The following MAGI3 variants were observed in gnomAD, a reference collection of about 807,000 sequenced individuals.
MAGI3 encodes the protein membrane associated guanylate kinase, WW and PDZ domain containing 3, also known as membrane-associated guanylate kinase, WW and PDZ domain-containing protein 3.
MAGI3 carries 43 observed loss-of-function variants against 121.8 expected under a neutral mutation model. The observed-to-expected ratio is 0.35, with a 90% confidence interval of 0.28 to 0.46. MAGI3 has a LOEUF of 0.46. MAGI3 is among the 20% of genes least tolerant of loss of function. The pLI is 1.00. For missense variants in MAGI3, 1,547 were observed against 1,797.3 expected (o/e 0.86, Z 2.52); for synonymous variants, 553 against 639.3 (o/e 0.86, Z 2.04).
Position 113,642,135 on chromosome 1 carries a change from C to T in MAGI3, c.1585C>T (p.Gln529Ter), listed in dbSNP as rs1369188913. Reference protein sequence around the residue: ...LTKGETCMNPQDFKPGAMVLE... With the variant: ...LTKGETCMNP Reference sequence around the variant, plus strand: ...CAAGGGAGAGACTTGCATGAATCCTCAGGATTTTAAGCCAGGAGCAATGGT... The same window carrying T: ...CAAGGGAGAGACTTGCATGAATCCTTAGGATTTTAAGCCAGGAGCAATGGT... Residue 529 changes from glutamine (Q) to a stop codon, truncating the protein, a stop_gained, in exon 10 of 21, where the codon CAG becomes TAG. Coordinates refer to ENST00000307546, the MANE Select transcript of MAGI3 (RefSeq NM_001142782.2). LOFTEE classifies it high-confidence loss of function. 1 of 1,614,048 alleles carries T rather than the reference C, an allele frequency of 6.2e-7. No homozygotes were observed. The highest frequency in any genetic ancestry group is 8.5e-7 in the Non-Finnish European group (1 of 1,180,052).
chr1:113,676,437 A>C (rs930867826), intron 19 of MAGI3, among the ~76,000 whole-genome samples: 1 of 152,230 alleles, frequency 6.6e-6, no homozygotes, highest in African/African-American at 2.4e-5. Flanking sequence ...ATGAATGAGC[A>C]GAAACTTTAG....
intron 14 of MAGI3, among the ~76,000 whole-genome samples, chr1:113,651,555 T>G (rs1653169276): frequency 6.6e-6 from 1 of 152,182 alleles, no homozygotes; most frequent in Non-Finnish European, 1.5e-5. Context: ...TGCAGTGGTA[T>G]GAGCTCAGCT....
intron 19 of MAGI3, among the ~76,000 whole-genome samples, chr1:113,677,961 T>C (rs1647979737): frequency 2.0e-5 from 3 of 152,216 alleles, no homozygotes; most frequent in African/African-American, 7.2e-5. Context: ...TGTAGTTTTG[T>C]GTATGTAGGT....
chr1:113,445,676 A>G (rs1014681961), intron 1 of MAGI3, among the ~76,000 whole-genome samples: 3 of 152,200 alleles, frequency 2.0e-5, no homozygotes, highest in African/African-American at 7.2e-5. Context: ...CATACCAGGG[A>G]TCCTTAATAT....
intron 19 of MAGI3, among the ~76,000 whole-genome samples, chr1:113,673,899 G>A (rs1366938214): frequency 6.6e-6 from 1 of 152,170 alleles, no homozygotes; most frequent in East Asian, 1.9e-4. Context: ...GAGGTAACTA[G>A]AGGCTGAAAA....
chr1:113,509,895 T>C (rs1394165677), intron 1 of MAGI3, among the ~76,000 whole-genome samples: 1 of 150,162 alleles, frequency 6.7e-6, no homozygotes, highest in African/African-American at 2.5e-5. Flanking sequence ...CTCGCGGTGC[T>C]GTTCACTCTG....
In MAGI3 at chr1:113,665,040, TTTTA is replaced by T. The variant is rs571757288; in HGVS notation, c.2815+5780_2815+5783del. Among the ~76,000 whole-genome samples the T allele has an allele frequency of 1.7e-3, 262 of 152,216 alleles. 1 individual carries two copies. Among genetic ancestry groups the T allele is most frequent in the African/African-American group, 5.2e-3 (217 of 41,502 alleles). The stretch of plus-strand genomic sequence containing the variant: ...TTACCTACAGCTTAAACTCTTGAGG[TTTTA>T]TTTAAGATAAGTCATTTTTTCCCCA... On this transcript the variant is annotated intron_variant, in intron 16 of 20. Coordinates refer to ENST00000307546, the MANE Select transcript of MAGI3 (RefSeq NM_001142782.2).
chr1:113,614,492 C>T (rs1650339385), intron 6 of MAGI3, 109 bp from the exon 7 acceptor site: 1 of 847,884 alleles, frequency 1.2e-6, no homozygotes, highest in Admixed American at 2.1e-5. Flanking sequence ...GAGCCCTCAG[C>T]TTTCTGACAC....
Position 113,658,723 on chromosome 1 carries a change from CA to C in MAGI3, c.2630-355del. Among the ~76,000 whole-genome samples the C allele has an allele frequency of 6.6e-6, 1 of 152,036 alleles. No individual in the cohort carries two copies. Among genetic ancestry groups the C allele is most frequent in the African/African-American group, 2.4e-5 (1 of 41,372 alleles). ...AACTTGTTGCAGCTTAAATGGCCAA[CA>C]ATAAACAATGAGACATCTGATCAGT... On this transcript the variant is annotated intron_variant, in intron 15 of 20. Coordinates refer to ENST00000307546, the MANE Select transcript of MAGI3 (RefSeq NM_001142782.2). This position sits in a 1 kb window ranked among gnomAD's most constrained non-coding sequence, Gnocchi z 4.0.
At chr1:113,615,223 T>C (rs1329251212) in intron 7 of MAGI3, among the ~76,000 whole-genome samples, 1 of 152,180 alleles carries the variant, frequency 6.6e-6, no homozygotes, top group East Asian at 1.9e-4. Context: ...CACCTGCCTA[T>C]GTTAGCCAGA....
rs549709038 is a variant in MAGI3, at chr1:113,392,250, T to C, written c.316+901T>C. On this transcript the variant is annotated intron_variant, in intron 1 of 20. Transcript: ENST00000307546. ...TGGTTTTGTTTCAGCATAGATAGAA[T>C]GTGGTTCTGTCGTCTTAGATGTTTG... Among the ~76,000 whole-genome samples, 9 of 152,352 alleles carry C rather than the reference T, an allele frequency of 5.9e-5. No individual in the cohort carries two copies. In the South Asian group the frequency reaches 1.0e-3, roughly 18 times the overall value.
chr1:113,579,434 G>A (rs546831350), intron 2 of MAGI3, among the ~76,000 whole-genome samples: 2 of 152,148 alleles, frequency 1.3e-5, no homozygotes, highest in East Asian at 1.9e-4. Context: ...AAGGAATGAG[G>A]CAAGAAAGAA....
At chr1:113,487,506 G>A (rs1266398619) in intron 1 of MAGI3, among the ~76,000 whole-genome samples, 1 of 151,996 alleles carries the variant, frequency 6.6e-6, no homozygotes, top group East Asian at 1.9e-4. Flanking sequence ...ACTCCCACAA[G>A]CTTAGTGTTC....
chr1:113,426,528 C>A (rs1290302489), intron 1 of MAGI3, among the ~76,000 whole-genome samples: 1 of 152,178 alleles, frequency 6.6e-6, no homozygotes, highest in East Asian at 1.9e-4. Flanking sequence ...TCTGTGTCTC[C>A]TTTCAAATCT....
At position 113,422,317 on chromosome 1, in the gene MAGI3, G is replaced by A. The variant is rs568435901; in HGVS notation, c.316+30968G>A. The stretch of plus-strand genomic sequence containing the variant: ...CTTCTATTCATTTGTGCATGTGTAT[G>A]TGTGACAGCATCCTTAGGGTGTTGC... On this transcript the variant is annotated intron_variant, in intron 1 of 20. Coordinates refer to ENST00000307546, the MANE Select transcript of MAGI3 (RefSeq NM_001142782.2). The surrounding 1 kb of genome is among the most constrained non-coding windows in gnomAD (Gnocchi z 4.3). 3.3e-5 allele frequency among the ~76,000 whole-genome samples: 5 copies of A among 152,330 alleles called. No individual in the cohort carries two copies. The highest frequency in any genetic ancestry group is 1.2e-4 in the African/African-American group (5 of 41,578).
intron 9 of MAGI3, among the ~76,000 whole-genome samples, chr1:113,629,750 CT>C: frequency 9.2e-6 from 1 of 108,600 alleles, no homozygotes; most frequent in African/African-American, 3.9e-5. Flanking sequence ...CTCTCTCTCT[CT>C]CTCTCTCTCT....
At chr1:113,600,126 G>A (rs1649274924) in intron 6 of MAGI3, among the ~76,000 whole-genome samples, 1 of 152,080 alleles carries the variant, frequency 6.6e-6, no homozygotes, top group South Asian at 2.1e-4. Context: ...TACTGAATGG[G>A]CAAAAACTGG....
At chr1:113,563,549 T>G (rs961540733) in intron 2 of MAGI3, among the ~76,000 whole-genome samples, 2 of 152,194 alleles carry the variant, frequency 1.3e-5, no homozygotes, top group African/African-American at 2.4e-5. Context: ...GTGGCACACC[T>G]GCAGGAGACT....
intron 1 of MAGI3, among the ~76,000 whole-genome samples, chr1:113,454,211 T>C (rs1654633684): frequency 6.6e-6 from 1 of 152,214 alleles, no homozygotes. Context: ...TTATTTGGGA[T>C]GCATATTTTG....
Sources: allele counts gnomAD v4.1 joint callset (sites outside exome capture counted in the v4.1 genomes callset), GRCh38; gene constraint gnomAD v4.1.1; non-coding constraint Gnocchi (gnomAD v3.1); transcripts MANE v1.5; gene names NCBI Gene and HGNC (gene_info 2026-07-23, HGNC 2026-07-21).